Variants in PAK4 observed in about 807,000 individuals in gnomAD.
PAK4 encodes the protein serine/threonine-protein kinase PAK 4.
Under a neutral mutation model 53.5 loss-of-function variants are expected in PAK4, and 49 were observed. That is an observed-to-expected ratio of 0.92 (90% CI 0.73 to 1.16). The LOEUF is 1.16. Among genes scored for constraint, PAK4 ranks in the 50% most tolerant of loss-of-function variants. The pLI is 0.00. For synonymous variants in PAK4, 376 were observed against 375.6 expected (o/e 1.00, Z -0.01); for missense variants, 824 against 850.7 (o/e 0.97, Z 0.39).
At chr19:39,149,724 T>A (rs1030899776) in intron 1 of PAK4, among the ~76,000 whole-genome samples, 14 of 151,994 alleles carry the variant, frequency 9.2e-5, no homozygotes, top group Admixed American at 8.5e-4. Context: ...GGCGTGGTGG[T>A]GGGCGCCTGT....
intron 2 of PAK4, among the ~76,000 whole-genome samples, chr19:39,171,763 C>T (rs768139854): frequency 5.8e-4 from 88 of 152,306 alleles, no homozygotes; most frequent in Non-Finnish European, 1.1e-3. Context: ...GGCTGGAGGA[C>T]ATCTGGCAGC....
intron 1 of PAK4, among the ~76,000 whole-genome samples, chr19:39,159,713 G>A (rs533407583): frequency 3.0e-4 from 45 of 152,340 alleles, no homozygotes; most frequent in African/African-American, 1.1e-3. Flanking sequence ...GAAGGAAGAG[G>A]AAGGGATAAC....
intron 2 of PAK4, among the ~76,000 whole-genome samples, chr19:39,171,183 C>G (rs2074471385): frequency 1.3e-5 from 2 of 152,048 alleles, no homozygotes; most frequent in Admixed American, 6.5e-5. Flanking sequence ...CTCAGGCCTC[C>G]CAGGACCTTC....
intron 7 of PAK4, among the ~76,000 whole-genome samples, chr19:39,176,995 A>T (rs551777048): frequency 1.3e-5 from 2 of 151,908 alleles, no homozygotes; most frequent in Admixed American, 1.3e-4. Context: ...CAGCCTCCCG[A>T]GAAGCTGGTT....
chr19:39,158,752 G>A (rs1279484354), intron 1 of PAK4, among the ~76,000 whole-genome samples: 4 of 152,158 alleles, frequency 2.6e-5, no homozygotes, highest in South Asian at 4.1e-4. Context: ...TGGGGACACA[G>A]AGATGGCCCC....
intron 1 of PAK4, among the ~76,000 whole-genome samples, chr19:39,166,056 GGCACTTACTGA>G (rs1256304187): frequency 6.6e-6 from 1 of 152,218 alleles, no homozygotes; most frequent in Non-Finnish European, 1.5e-5. Context: ...AATGGTGACC[GGCACTTACTGA>G]GCACTTACTG....
intron 2 of PAK4, among the ~76,000 whole-genome samples, chr19:39,172,059 A>C (rs902167856): frequency 3.9e-5 from 6 of 152,062 alleles, no homozygotes; most frequent in African/African-American, 1.4e-4. Context: ...GGGGCCGGGG[A>C]GGGCAGGGGC....
chr19:39,174,055 TCCCTCCCA>T, intron 4 of PAK4, 45 bp downstream of exon 5: 3 of 1,002,352 alleles, frequency 3.0e-6, no homozygotes, highest in Non-Finnish European at 4.0e-6. Flanking sequence ...CTCCCACCCC[TCCCTCCCA>T]CCCTCCCTCC....
intron 1 of PAK4, among the ~76,000 whole-genome samples, chr19:39,158,535 T>C (rs988147706): frequency 2.6e-5 from 4 of 152,228 alleles, no homozygotes; most frequent in Non-Finnish European, 5.9e-5. Flanking sequence ...CTCTCTGTTG[T>C]GGTGTCCATC....
At position 39,138,571 on chromosome 19, in the gene PAK4, G is replaced by C. The variant is rs1490038306; in HGVS notation, c.-23+12652G>C. Among the ~76,000 whole-genome samples, 4 of 152,292 alleles carry C rather than the reference G, an allele frequency of 2.6e-5. No individual in the cohort carries two copies. In the South Asian group the frequency reaches 8.3e-4, roughly 32 times the overall value. On this transcript the variant is annotated intron_variant, in intron 1 of 8. Transcript: ENST00000358301. ...TTTTCCCAGGGTAGTTCATGATGTGGCAGGGAGTCTGTGCCCTCCACTCCC... is the reference window on the plus strand; with the variant it reads ...TTTTCCCAGGGTAGTTCATGATGTGCCAGGGAGTCTGTGCCCTCCACTCCC...
chr19:39,181,651 A>G (rs773096111), downstream of PAK4: 4 of 152,246 alleles, frequency 2.6e-5, no homozygotes, highest in Non-Finnish European at 5.9e-5. Flanking sequence ...CGGGGGGTCT[A>G]CAGATCCATG....
chr19:39,178,389 G>A lies in PAK4; in HGVS notation c.1621-35G>A. The A allele has an allele frequency of 6.4e-7, 1 of 1,555,516 alleles. No homozygotes were observed. The highest frequency in any genetic ancestry group is 1.4e-5 in the African/African-American group (1 of 73,370). ...CCCTACAGCAAATGAACAGTGGGGA[G>A]CCTCGCCCCCTGACCCTCCCCTCCT... On this transcript the variant is annotated intron_variant, in intron 8 of 8. Coordinates refer to ENST00000358301, the Ensembl canonical transcript of PAK4. The surrounding 1 kb of genome is among the most constrained non-coding windows in gnomAD (Gnocchi z 4.4).
intron 4 of PAK4, 93 bp downstream of exon 5, chr19:39,174,103 G>C (rs145521731): frequency 1.8e-5 from 14 of 794,904 alleles, no homozygotes; most frequent in East Asian, 5.8e-5. Context: ...GCACTCCTCC[G>C]TGCTGGGCCA....
At chr19:39,167,197 G>A (rs2074391026) in intron 1 of PAK4, among the ~76,000 whole-genome samples, 1 of 152,200 alleles carries the variant, frequency 6.6e-6, no homozygotes, top group African/African-American at 2.4e-5. Context: ...GTGGCTCTGG[G>A]AACTGCCTAG....
At chr19:39,180,318 G>GA (rs112621745), downstream of PAK4, 9,971 of 144,092 alleles carry the variant, frequency 0.069, 436 homozygotes, top group Non-Finnish European at 0.11. Flanking sequence ...TGCCTTTCTG[G>GA]AAAAAAAAAA....
chr19:39,146,524 T>G (rs1041482939), intron 1 of PAK4, among the ~76,000 whole-genome samples: 4 of 152,236 alleles, frequency 2.6e-5, no homozygotes, highest in African/African-American at 9.6e-5. Flanking sequence ...TCATTGTAGA[T>G]TCTCCTACAG....
intron 2 of PAK4, among the ~76,000 whole-genome samples, chr19:39,172,146 A>T (rs2074492159): frequency 7.1e-6 from 1 of 141,346 alleles, no homozygotes; most frequent in Admixed American, 7.3e-5. Context: ...GAAGGAGTGG[A>T]GGGAGGGAGC....
At chr19:39,150,999 G>A (rs1013604942) in intron 1 of PAK4, among the ~76,000 whole-genome samples, 1 of 152,196 alleles carries the variant, frequency 6.6e-6, no homozygotes, top group Non-Finnish European at 1.5e-5. Flanking sequence ...GATTTCTGTC[G>A]GTGGACGCCA....
intron 1 of PAK4, among the ~76,000 whole-genome samples, chr19:39,138,047 G>A (rs1156848257): frequency 6.6e-6 from 1 of 150,534 alleles, no homozygotes; most frequent in Non-Finnish European, 1.5e-5. Flanking sequence ...AGTGGTTCAA[G>A]ATTGGCTCAC....
Sources: gnomAD v4.1 joint callset for allele counts (sites outside exome capture counted in the v4.1 genomes callset) on GRCh38, gnomAD v4.1.1 for gene constraint, Gnocchi (gnomAD v3.1) non-coding constraint, MANE v1.5 for transcripts, NCBI Gene and HGNC (gene_info 2026-07-23, HGNC 2026-07-21) for gene names.